The following VPS13D variants were observed in gnomAD, a reference collection of about 807,000 sequenced individuals.
VPS13D encodes vacuolar protein sorting 13 homolog D.
A neutral mutation model predicts 461.9 loss-of-function variants in VPS13D; 187 were observed. That is an observed-to-expected ratio of 0.40 (90% CI 0.36 to 0.46). The LOEUF is 0.46. VPS13D is among the 20% of genes least tolerant of loss of function. The probability of loss-of-function intolerance (pLI) is 0.60; values close to 1 mark genes in which losing one functional copy is unlikely to be tolerated. For synonymous variants in VPS13D, 1,951 were observed against 1,986.3 expected, an observed-to-expected ratio of 0.98 and a Z score of 0.47; for missense variants, 4,711 against 5,364.9, an observed-to-expected ratio of 0.88 and a Z score of 3.81.
At chr1:12,407,130 G>A (rs1050816185) in intron 63 of VPS13D, 3 of 152,200 alleles carry the variant, frequency 2.0e-5, no homozygotes, top group Admixed American at 1.3e-4. Flanking sequence ...TTCAGAAAGT[G>A]CCAGAGAGGG....
chr1:12,500,151 C>G (rs1646016903), intron 68 of VPS13D: 2 of 984,904 alleles, frequency 2.0e-6, no homozygotes, highest in African/African-American at 1.7e-5. Flanking sequence ...CTTTATTCTC[C>G]CAGATCGAGT....
At chr1:12,253,649 T>C in intron 6 of VPS13D, 73 bp from the exon 7 acceptor site, 3 of 1,171,792 alleles carry the variant, frequency 2.6e-6, no homozygotes, top group Non-Finnish European at 3.8e-6. Flanking sequence ...TCTTTACAAA[T>C]GGTTTGTTGA....
At chr1:12,284,814 A>G (rs374289377) in intron 21 of VPS13D, among the ~76,000 whole-genome samples, 2 of 152,198 alleles carry the variant, frequency 1.3e-5, no homozygotes, top group African/African-American at 4.8e-5. Context: ...CAGGGTAGAG[A>G]TGGGAAAGGA....
chr1:12,372,250 A>G lies in VPS13D; in HGVS notation c.10809-1500A>G, dbSNP rs182798765. Among the ~76,000 whole-genome samples the G allele has an allele frequency of 5.3e-5, 8 of 152,178 alleles. No individual in the cohort carries two copies. The East Asian group carries it at 1.5e-3, about 29-fold the overall frequency. On this transcript the variant is annotated intron_variant, in intron 54 of 69. Coordinates refer to ENST00000620676, the MANE Select transcript of VPS13D (RefSeq NM_015378.4). ...AAAAAAATTTTTTTTTGGTAGAGAC[A>G]GGGTCTCACTATTTTGCCCAGGCTG...
At chr1:12,456,154 T>TCTG in intron 66 of VPS13D, 24 bp downstream of exon 66, 1 of 1,589,292 alleles carries the variant, frequency 6.3e-7, no homozygotes, top group South Asian at 1.2e-5. Context: ...GACATCAGGC[T>TCTG]CTGCTGCTGC....
intron 67 of VPS13D, among the ~76,000 whole-genome samples, chr1:12,490,683 A>T (rs1009689295): frequency 6.6e-6 from 1 of 151,650 alleles, no homozygotes; most frequent in Non-Finnish European, 1.5e-5. Flanking sequence ...GGTGGGAGCT[A>T]CAGGTCTGAG....
At chr1:12,399,181 C>G (rs1218374264) in intron 60 of VPS13D, among the ~76,000 whole-genome samples, 3 of 150,624 alleles carry the variant, frequency 2.0e-5, no homozygotes, top group African/African-American at 7.3e-5. Context: ...TAAAAAATTA[C>G]TTTTTTCAAA....
chr1:12,344,168 A>G (rs1022667409), intron 42 of VPS13D, among the ~76,000 whole-genome samples: 11 of 152,226 alleles, frequency 7.2e-5, no homozygotes, highest in Non-Finnish European at 1.3e-4. Flanking sequence ...TGAATAGGTT[A>G]AGACAGCATT....
intron 54 of VPS13D, among the ~76,000 whole-genome samples, chr1:12,372,302 A>T (rs930020660): frequency 2.6e-5 from 4 of 152,204 alleles, no homozygotes; most frequent in South Asian, 4.1e-4. Context: ...CCCAAATGCT[A>T]TCTACCTGCC....
At chr1:12,235,721 G>C (rs1310323498) in intron 2 of VPS13D, among the ~76,000 whole-genome samples, 1 of 152,114 alleles carries the variant, frequency 6.6e-6, no homozygotes, top group Non-Finnish European at 1.5e-5. Flanking sequence ...TTTTCCTCTT[G>C]TCCTGAAACG....
chr1:12,487,607 T>A (rs567898277), intron 67 of VPS13D, among the ~76,000 whole-genome samples: 3 of 141,190 alleles, frequency 2.1e-5, no homozygotes, highest in African/African-American at 5.5e-5. Context: ...CGAGATTCCA[T>A]CTCAAAAAAA....
intron 65 of VPS13D, among the ~76,000 whole-genome samples, chr1:12,422,385 G>A (rs1644875403): frequency 6.6e-6 from 1 of 152,038 alleles, no homozygotes; most frequent in East Asian, 1.9e-4. Context: ...TTGCTTTGTG[G>A]TATTTATTTC....
chr1:12,475,540 T>C (rs1035166559), intron 67 of VPS13D, among the ~76,000 whole-genome samples: 1 of 152,252 alleles, frequency 6.6e-6, no homozygotes, highest in Non-Finnish European at 1.5e-5. Flanking sequence ...GCAGCTGTAG[T>C]GTACCTAAAG....
At chr1:12,326,453 T>G (rs1451574603) in intron 35 of VPS13D, among the ~76,000 whole-genome samples, 6 of 150,752 alleles carry the variant, frequency 4.0e-5, no homozygotes, top group African/African-American at 1.5e-4. Flanking sequence ...TCCTCCCACC[T>G]AAGCCTCCTG....
Position 12,373,791 on chromosome 1 carries a change from C to A in VPS13D, c.10850C>A (p.Ala3617Asp), listed in dbSNP as rs1435037035. 6.3e-7 allele frequency: 1 copy of A among 1,594,240 alleles called. No individual in the cohort carries two copies. The highest frequency in any genetic ancestry group is 1.7e-5 in the Admixed American group (1 of 57,210). ...GGCAGGCCTGTGGCTTCCAACAAGGCCATTACCTGTGCGGAGCTCGTTTTG... is the reference window on the plus strand; with the variant it reads ...GGCAGGCCTGTGGCTTCCAACAAGGACATTACCTGTGCGGAGCTCGTTTTG... ...GTGRPVASNKAITCAELVLDV... is the reference protein window; with the variant it reads ...GTGRPVASNKDITCAELVLDV... The change falls in exon 55 of 70, where the codon GCC becomes GAC. Residue 3617 changes from alanine (A) to aspartate (D), a missense_variant. Physicochemically the swap from Ala to Asp is moderately radical, Grantham distance 126. This residue lies in a region of VPS13D where 4,411 missense variants were observed against 4,937.8 expected (regional missense o/e 0.89). Transcript: ENST00000620676.
intron 26 of VPS13D, among the ~76,000 whole-genome samples, chr1:12,305,308 A>C (rs1402775541): frequency 1.3e-5 from 2 of 151,536 alleles, no homozygotes. Context: ...AGGGTCTCTC[A>C]CTGTCTCCCA....
chr1:12,323,174 ATCT>A (rs1267068202), intron 34 of VPS13D, among the ~76,000 whole-genome samples: 1 of 152,170 alleles, frequency 6.6e-6, no homozygotes, highest in Non-Finnish European at 1.5e-5. Context: ...GGCCCAAGCT[ATCT>A]TCACTCCTCA....
At chr1:12,327,202 G>C (rs1215396477) in intron 35 of VPS13D, among the ~76,000 whole-genome samples, 2 of 152,104 alleles carry the variant, frequency 1.3e-5, no homozygotes, top group Non-Finnish European at 2.9e-5. Context: ...CTGAAGCCAG[G>C]CCATCTTGCT....
At chr1:12,334,205 A>T (rs1202585586) in intron 38 of VPS13D, among the ~76,000 whole-genome samples, 1 of 152,224 alleles carries the variant, frequency 6.6e-6, no homozygotes, top group Non-Finnish European at 1.5e-5. Flanking sequence ...CCCCAAATTT[A>T]AAACCACTGT....
Sources: gnomAD v4.1 joint callset for allele counts (sites outside exome capture counted in the v4.1 genomes callset) on GRCh38, gnomAD v4.1.1 for gene constraint, gnomAD v4.1.1 regional missense constraint, MANE v1.5 for transcripts, NCBI Gene and HGNC (gene_info 2026-07-23, HGNC 2026-07-21) for gene names.